PRKCZ: variants seen among roughly 807,000 people sequenced by gnomAD.
The protein encoded by PRKCZ is protein kinase C zeta, also known as protein kinase C zeta type.
Under a neutral mutation model 79.5 loss-of-function variants are expected in PRKCZ, and 33 were observed. The observed-to-expected ratio is 0.41, with a 90% confidence interval of 0.31 to 0.55. PRKCZ has a LOEUF of 0.55. PRKCZ is among the 20% of genes least tolerant of loss of function. The pLI, the probability that PRKCZ is intolerant of heterozygous loss-of-function variation, is 0.19. For missense variants in PRKCZ, 578 were observed against 813.5 expected, an observed-to-expected ratio of 0.71 and a Z score of 3.52; for synonymous variants, 342 against 320.9, an observed-to-expected ratio of 1.07 and a Z score of -0.70.
rs985858147 is a variant in PRKCZ at position 2,074,559 on chromosome 1, A to G, written c.334+14968A>G. 3 of 563,482 alleles carry G rather than the reference A, an allele frequency of 5.3e-6. 1 individual carries two copies. Among genetic ancestry groups the G allele is most frequent in the Non-Finnish European group, 9.5e-6 (3 of 315,374 alleles). The allele number at this position is 563,482 out of a possible 1,614,324, so 34.9% of individuals were successfully genotyped here. On this transcript the variant is annotated intron_variant, in intron 4 of 17. Transcript: ENST00000378567. ...CCAGGTGCCAGGGCTGGTAGTGGTA[A>G]CAGCCAGCACCTGTTCCAGGCCTGC...
chr1:2,055,754 G>A, intron 2 of PRKCZ, 192 bp downstream of exon 2: 2 of 787,622 alleles, frequency 2.5e-6, no homozygotes, highest in African/African-American at 1.8e-5. Context: ...TCAAGGACCT[G>A]GGCCCAGATG....
intron 4 of PRKCZ, 106 bp from the exon 5 acceptor site, chr1:2,135,156 G>A (rs945168004): frequency 3.9e-5 from 36 of 930,610 alleles, no homozygotes; most frequent in African/African-American, 3.5e-4. Flanking sequence ...CTGGGAGGAC[G>A]CTGCGGCCGC....
chr1:2,055,220 G>A (rs1207433392), intron 1 of PRKCZ, among the ~76,000 whole-genome samples: 3 of 150,882 alleles, frequency 2.0e-5, no homozygotes, highest in Admixed American at 1.3e-4. Context: ...GGGATGACAG[G>A]TGTCAGGCAC....
chr1:2,138,580 G>A (rs1676693865), intron 5 of PRKCZ, among the ~76,000 whole-genome samples: 1 of 152,186 alleles, frequency 6.6e-6, no homozygotes, highest in Non-Finnish European at 1.5e-5. Flanking sequence ...GGGGGGTGAG[G>A]TGGGTAGGAA....
intron 9 of PRKCZ, among the ~76,000 whole-genome samples, chr1:2,153,474 A>G (rs1680311660): frequency 6.6e-6 from 1 of 151,868 alleles, no homozygotes; most frequent in South Asian, 2.1e-4. Context: ...AGCCTCTACT[A>G]CCTCCCAGCA....
intron 4 of PRKCZ, among the ~76,000 whole-genome samples, chr1:2,071,012 C>T (rs866098145): frequency 1.8e-4 from 25 of 137,806 alleles, no homozygotes; most frequent in South Asian, 4.5e-4. Flanking sequence ...GTGCTGGGCC[C>T]GGGGCTACCA....
At position 2,135,671 on chromosome 1, in the gene PRKCZ, G is replaced by A. The variant is rs376783406; in HGVS notation, c.420+324G>A. ...TGCCTGCATCCAGAGTGGGGCGGCCGCATTCCATCCGCATGTAGCGCCAGG... is the reference window on the plus strand; with the variant it reads ...TGCCTGCATCCAGAGTGGGGCGGCCACATTCCATCCGCATGTAGCGCCAGG... On this transcript the variant is annotated intron_variant, in intron 5 of 17. Transcript: ENST00000378567. Among the ~76,000 whole-genome samples, 8 of 152,196 alleles carry A rather than the reference G, an allele frequency of 5.3e-5. No individual in the cohort carries two copies. The East Asian group carries it at 7.7e-4, about 15-fold the overall frequency.
At chr1:2,151,084 G>A (rs917447698) in intron 9 of PRKCZ, 106 bp downstream of exon 9, 16 of 1,325,180 alleles carry the variant, frequency 1.2e-5, no homozygotes, top group African/African-American at 1.0e-4. Flanking sequence ...CTAGCCTCAC[G>A]TTGACGGAGT....
rs1571238514 is a variant in PRKCZ at position 2,082,893 on chromosome 1, T to G, written c.334+23302T>G. On this transcript the variant is annotated intron_variant, in intron 4 of 17. Coordinates refer to ENST00000378567, the MANE Select transcript of PRKCZ (RefSeq NM_002744.6). The surrounding 1 kb of genome is among the most constrained non-coding windows in gnomAD (Gnocchi z 4.4). ...TGGTGTGAGGGTGCAAGGGAGAGGG[T>G]GGAGAGGGTGGCAGTGAGGGCGCGA... Among the ~76,000 whole-genome samples the G allele has an allele frequency of 1.4e-5, 2 of 139,614 alleles. No individual in the cohort carries two copies. The highest frequency in any genetic ancestry group is 4.7e-4 in the South Asian group (2 of 4,234). 91.6% of individuals were successfully genotyped at this position (139,614 alleles called of 152,430 possible).
chr1:2,061,931 C>T (rs924095231), intron 4 of PRKCZ, among the ~76,000 whole-genome samples: 1 of 152,168 alleles, frequency 6.6e-6, no homozygotes, highest in Non-Finnish European at 1.5e-5. Context: ...GGGGTGTTCA[C>T]AGGTGTTTTT....
chr1:2,140,517 C>CGTG, intron 5 of PRKCZ, among the ~76,000 whole-genome samples: 1 of 151,856 alleles, frequency 6.6e-6, no homozygotes. Flanking sequence ...TTTAGCCAGG[C>CGTG]GTGGTGGTGG....
chr1:2,076,565 A>C (rs1289802455), intron 4 of PRKCZ, among the ~76,000 whole-genome samples: 1 of 152,124 alleles, frequency 6.6e-6, no homozygotes, highest in Non-Finnish European at 1.5e-5. Flanking sequence ...AACATGGAGA[A>C]ACCCCGGCTC....
rs190417454 is a variant in PRKCZ at position 2,088,011 on chromosome 1, C to T, written c.334+28420C>T. Among the ~76,000 whole-genome samples the T allele has an allele frequency of 8.9e-4, 136 of 152,330 alleles. 2 individuals are homozygous for T. The East Asian group carries it at 0.019, about 22-fold the overall frequency. On this transcript the variant is annotated intron_variant, in intron 4 of 17. Coordinates refer to ENST00000378567, the MANE Select transcript of PRKCZ (RefSeq NM_002744.6). The stretch of plus-strand genomic sequence containing the variant: ...TGGCCGCCTGGACACTCAGTGAAGA[C>T]GGTCTTTGTTTTGATGGCGGCAGAG...
chr1:2,059,429 C>T (rs370484986), intron 3 of PRKCZ, 112 bp from the exon 4 acceptor site: 88 of 1,298,968 alleles, frequency 6.8e-5, no homozygotes, highest in East Asian at 4.0e-4. Context: ...GTGCCACGTG[C>T]GCCTTGCGTG....
At chr1:2,051,578 C>T (rs1469376276) in intron 1 of PRKCZ, among the ~76,000 whole-genome samples, 1 of 152,244 alleles carries the variant, frequency 6.6e-6, no homozygotes, top group Non-Finnish European at 1.5e-5. Context: ...CTTGCACTGG[C>T]TGGTCCTTGG....
intron 10 of PRKCZ, among the ~76,000 whole-genome samples, chr1:2,158,600 C>T (rs1396805618): frequency 6.6e-6 from 1 of 152,226 alleles, no homozygotes; most frequent in Non-Finnish European, 1.5e-5. Context: ...GCAGCCCGGC[C>T]CCCCACACTT....
At chr1:2,144,101 C>T in intron 5 of PRKCZ, 109 bp from the exon 6 acceptor site, 1 of 1,439,334 alleles carries the variant, frequency 6.9e-7, no homozygotes, top group Non-Finnish European at 9.3e-7. Flanking sequence ...CCACCTGTTG[C>T]CCGGCTCAGT....
chr1:2,150,757 C>T (rs1174827309), intron 8 of PRKCZ, 33 bp from the exon 9 acceptor site: 1 of 1,595,492 alleles, frequency 6.3e-7, no homozygotes, highest in South Asian at 1.1e-5. Context: ...GAACCCCCCT[C>T]TCACTTTCTG....
At chr1:2,158,405 G>A (rs188771920) in intron 10 of PRKCZ, among the ~76,000 whole-genome samples, 103 of 152,342 alleles carry the variant, frequency 6.8e-4, no homozygotes, top group African/African-American at 2.3e-3. Context: ...GTGCCCCATC[G>A]TGTGCTTCAG....
Sources: allele counts gnomAD v4.1 joint callset (sites outside exome capture counted in the v4.1 genomes callset), GRCh38; gene constraint gnomAD v4.1.1; non-coding constraint Gnocchi (gnomAD v3.1); transcripts MANE v1.5; gene names NCBI Gene and HGNC (gene_info 2026-07-23, HGNC 2026-07-21).